MLF1: variants seen among roughly 807,000 people sequenced by gnomAD.
The protein encoded by MLF1 is myeloid leukemia factor 1, also known as myelodysplasia-myeloid leukemia factor 1.
MLF1 carries 37 observed loss-of-function variants against 38.3 expected under a neutral mutation model. The observed-to-expected ratio is 0.96, with a 90% CI of 0.74 to 1.27. The LOEUF (loss-of-function observed/expected upper bound fraction) is 1.27. MLF1 is among the 50% of genes most tolerant of loss of function. The pLI, the probability that MLF1 is intolerant of heterozygous loss-of-function variation, is 0.00. For missense variants in MLF1, 331 were observed against 349.2 expected (o/e 0.95, Z 0.42); for synonymous variants, 95 against 106.5 (o/e 0.89, Z 0.66).
chr3:158,596,732 G>T, intron 3 of MLF1, 130 bp from the exon 4 acceptor site: 1 of 539,082 alleles, frequency 1.9e-6, no homozygotes, highest in Non-Finnish European at 3.3e-6. Flanking sequence ...AGTTATCTTT[G>T]TCTGGTTGAT....
chr3:158,577,240 G>A (rs989723878), intron 1 of MLF1, among the ~76,000 whole-genome samples: 3 of 152,138 alleles, frequency 2.0e-5, no homozygotes, highest in African/African-American at 7.2e-5. Flanking sequence ...TGTATTCTAT[G>A]TACAAGATGT....
At position 158,587,508 on chromosome 3, in the gene MLF1, A is replaced by G. The variant is rs894397730; in HGVS notation, c.48-4926A>G. Among the ~76,000 whole-genome samples, 34 of 152,174 alleles carry G rather than the reference A, an allele frequency of 2.2e-4. 1 individual carries two copies. The highest frequency in any genetic ancestry group is 2.2e-3 in the Admixed American group (33 of 15,276). On this transcript the variant is annotated intron_variant, in intron 1 of 7. Coordinates refer to ENST00000466246, the MANE Select transcript of MLF1 (RefSeq NM_001369783.1). ...CTGTAAAGGGCCAGAAGGAAAAGGA[A>G]CAATTAAGGAGTTTATCAGAGTTCA...
intron 1 of MLF1, among the ~76,000 whole-genome samples, chr3:158,574,641 G>A (rs199505282): frequency 2.7e-5 from 4 of 147,410 alleles, no homozygotes; most frequent in East Asian, 4.0e-4. Context: ...CCGAGATTGC[G>A]CCATTGCACT....
Position 158,592,546 on chromosome 3 carries a change from C to T in MLF1, c.160C>T (p.Arg54Cys). Reference sequence around the variant, plus strand: ...TGATGGTAGAGGGAGAGCTCATAATCGTAGAGGACATAATGATGGTGAAGA... The same window carrying T: ...TGATGGTAGAGGGAGAGCTCATAATTGTAGAGGACATAATGATGGTGAAGA... ...ISDGRGRAHNRRGHNDGEDSL... is the reference protein window; with the variant it reads ...ISDGRGRAHNCRGHNDGEDSL... The change falls in exon 2 of 8, where the codon CGT (arginine) becomes TGT (cysteine). Residue 54 changes from arginine to cysteine, a missense_variant. Arg to Cys is a radical substitution (Grantham distance 180, BLOSUM62 -3). Transcript: ENST00000466246. 6.2e-7 allele frequency: 1 copy of T among 1,611,340 alleles called. No individual in the cohort carries two copies. Among genetic ancestry groups the T allele is most frequent in the Non-Finnish European group, 8.5e-7 (1 of 1,179,240 alleles).
intron 1 of MLF1, chr3:158,573,276 T>A (rs937985612): frequency 2.0e-5 from 3 of 150,756 alleles, no homozygotes; most frequent in African/African-American, 7.3e-5. Flanking sequence ...TTGCGCTGTT[T>A]TCTTTGCTCG....
Position 158,580,787 on chromosome 3 carries a change from G to GAA in MLF1, c.47+9456_47+9457dup, listed in dbSNP as rs35608474. ...ACATGGCAAAATCCTGTCTCTACCAGAAAAAAAAAAAAAAAAATTATCCAG... is the reference window on the plus strand; with the variant it reads ...ACATGGCAAAATCCTGTCTCTACCAGAAAAAAAAAAAAAAAAAAATTATCCAG... On this transcript the variant is annotated intron_variant, in intron 1 of 7. Transcript: ENST00000466246. 4.7e-4 allele frequency among the ~76,000 whole-genome samples: 62 copies of GAA among 132,148 alleles called. 1 individual carries two copies. The highest frequency in any genetic ancestry group is 3.7e-3 in the Middle Eastern group (1 of 268). The allele number at this position is 132,148 out of a possible 152,430, so 86.7% of individuals were successfully genotyped here. A position where few individuals can be genotyped will look rare whatever the true frequency, so the allele number is the denominator to read the frequency against.
chr3:158,589,789 C>A (rs1440586593), intron 1 of MLF1, among the ~76,000 whole-genome samples: 1 of 152,132 alleles, frequency 6.6e-6, no homozygotes, highest in African/African-American at 2.4e-5. Context: ...GTTGGCAGGG[C>A]TACATTCCTT....
chr3:158,597,903 G>A (rs1479535167), intron 4 of MLF1, among the ~76,000 whole-genome samples, 177 bp from the exon 5 acceptor site: 2 of 152,068 alleles, frequency 1.3e-5, no homozygotes, highest in South Asian at 2.1e-4. Context: ...TTTTTTGGGC[G>A]GAGGTAATTT....
intron 1 of MLF1, among the ~76,000 whole-genome samples, chr3:158,576,384 C>T (rs1359066497): frequency 6.6e-6 from 1 of 152,144 alleles, no homozygotes; most frequent in African/African-American, 2.4e-5. Context: ...TATTTGCTAA[C>T]AATATGCATA....
intron 4 of MLF1, 50 bp downstream of exon 4, chr3:158,596,995 T>A: frequency 8.3e-7 from 1 of 1,204,074 alleles, no homozygotes; most frequent in Non-Finnish European, 1.2e-6. Context: ...CTTTGATATA[T>A]TCTATTTCAT....
At chr3:158,582,145 A>T (rs1315954754) in intron 1 of MLF1, among the ~76,000 whole-genome samples, 1 of 152,008 alleles carries the variant, frequency 6.6e-6, no homozygotes, top group East Asian at 1.9e-4. Context: ...GTGCCATTGC[A>T]CTCCAGCCTG....
chr3:158,586,930 C>T (rs1275827996), intron 1 of MLF1, among the ~76,000 whole-genome samples: 2 of 152,212 alleles, frequency 1.3e-5, no homozygotes, highest in African/African-American at 4.8e-5. Context: ...GCCAATAGGA[C>T]ATTGAAAATT....
chr3:158,574,105 G>C lies in MLF1; in HGVS notation c.47+2758G>C, dbSNP rs1286622319. Among the ~76,000 whole-genome samples, 4 of 152,078 alleles carry C rather than the reference G, an allele frequency of 2.6e-5. 1 individual carries two copies. In the Middle Eastern group the frequency reaches 9.5e-3, roughly 361 times the overall value. Reference sequence around the variant, plus strand: ...TGCGCCACTGCACCTAGCCAATGTTGTTGTTTAAATAAATGATTGACTTAA... The same window carrying C: ...TGCGCCACTGCACCTAGCCAATGTTCTTGTTTAAATAAATGATTGACTTAA... On this transcript the variant is annotated intron_variant, in intron 1 of 7. Coordinates refer to ENST00000466246, the MANE Select transcript of MLF1 (RefSeq NM_001369783.1).
chr3:158,582,942 CATTTAT>C lies in MLF1; in HGVS notation c.48-9491_48-9486del, dbSNP rs1434965676. On this transcript the variant is annotated intron_variant, in intron 1 of 7. Transcript: ENST00000466246. The stretch of plus-strand genomic sequence containing the variant: ...AGAATAAGTTAAGGTAAAATAAACA[CATTTAT>C]TTTTCTTATTCTTAATGGATCTGAT... The C allele has an allele frequency of 4.5e-6, 3 of 673,006 alleles. No individual in the cohort carries two copies. In the African/African-American group the frequency reaches 5.4e-5, roughly 12 times the overall value. 41.7% of individuals were successfully genotyped at this position (673,006 alleles called of 1,614,324 possible). A position where few individuals can be genotyped will look rare whatever the true frequency, so the allele number is the denominator to read the frequency against.
intron 1 of MLF1, among the ~76,000 whole-genome samples, chr3:158,579,755 C>G (rs530939838): frequency 1.3e-5 from 2 of 152,116 alleles, no homozygotes; most frequent in Non-Finnish European, 2.9e-5. Context: ...TCTTGAAATA[C>G]TTTTCTTCAT....
rs1718302578 is a variant in MLF1 at position 158,592,517 on chromosome 3, T to C, written c.131T>C (p.Ile44Thr). The change falls in exon 2 of 8, where the codon ATC (isoleucine) becomes ACC (threonine). Residue 44 changes from isoleucine (I) to threonine (T), a missense_variant. Physicochemically the swap from Ile to Thr is moderately conservative, Grantham distance 89. Coordinates refer to ENST00000466246, the MANE Select transcript of MLF1 (RefSeq NM_001369783.1). ...CCCTTTGGAAGAGACTTGCTCAGTA[T>C]CTCTGATGGTAGAGGGAGAGCTCAT... ...SEPFGRDLLS[I>T]SDGRGRAHNR... 2 of 1,612,592 alleles carry C rather than the reference T, an allele frequency of 1.2e-6. No individual in the cohort carries two copies. The highest frequency in any genetic ancestry group is 2.2e-5 in the East Asian group (1 of 44,786).
intron 1 of MLF1, among the ~76,000 whole-genome samples, chr3:158,583,853 A>T (rs1185809758): frequency 1.3e-5 from 2 of 152,226 alleles, no homozygotes; most frequent in Non-Finnish European, 2.9e-5. Context: ...AACAAAGAAG[A>T]TTCTAGAAAA....
intron 1 of MLF1, among the ~76,000 whole-genome samples, chr3:158,576,164 T>G (rs1427781529): frequency 3.3e-5 from 5 of 152,212 alleles, no homozygotes; most frequent in East Asian, 1.9e-4. Flanking sequence ...ATTTTAAAAT[T>G]TGGTGTTTTA....
chr3:158,605,100 G>A lies in MLF1; in HGVS notation c.750G>A (p.Glu250=). 6.2e-7 allele frequency: 1 copy of A among 1,611,034 alleles called. No individual in the cohort carries two copies. The highest frequency in any genetic ancestry group is 8.5e-7 in the Non-Finnish European group (1 of 1,178,110). Residue 250 remains glutamate, a synonymous_variant, in exon 8 of 8, where the codon GAG becomes GAA. Transcript: ENST00000466246. Reference sequence around the variant, plus strand: ...TATTCACATGTATATTTCTCAGGGAGAAACCTCAACAAAGTCCAGCCATTG... The same window carrying A: ...TATTCACATGTATATTTCTCAGGGAAAAACCTCAACAAAGTCCAGCCATTG... ...NPGSRELKRR[E]KPQQSPAIEH...
Sources: allele counts gnomAD v4.1 joint callset (sites outside exome capture counted in the v4.1 genomes callset), GRCh38; gene constraint gnomAD v4.1.1; transcripts MANE v1.5; gene names NCBI Gene and HGNC (gene_info 2026-07-23, HGNC 2026-07-21).